TG: variants seen among roughly 807,000 people sequenced by gnomAD.
TG encodes thyroglobulin.
Under a neutral mutation model 324.7 loss-of-function variants are expected in TG, and 270 were observed. That is an observed-to-expected ratio of 0.83 (90% confidence interval 0.75 to 0.92). The LOEUF is 0.92. Ranked by LOEUF, TG falls within the 40% of genes least tolerant of loss-of-function variation. The probability of loss-of-function intolerance (pLI) is 0.00; values close to 1 mark genes in which losing one functional copy is unlikely to be tolerated. For missense variants in TG, 3,591 were observed against 3,456.4 expected (o/e 1.04, Z -0.98); for synonymous variants, 1,401 against 1,327.0 (o/e 1.06, Z -1.21).
intron 32 of TG, among the ~76,000 whole-genome samples, chr8:132,971,318 G>A (rs1300407492): frequency 6.6e-6 from 1 of 152,204 alleles, no homozygotes; most frequent in African/African-American, 2.4e-5. Context: ...GTGAAGGGGA[G>A]CACAGGCTCG....
intron 23 of TG, among the ~76,000 whole-genome samples, chr8:132,933,043 G>C (rs1175662099): frequency 6.6e-6 from 1 of 152,178 alleles, no homozygotes; most frequent in East Asian, 1.9e-4. Flanking sequence ...CCTGAACGGA[G>C]CTGTGCTTCA....
rs140831359 is a variant in TG, at chr8:133,113,577, C to A, written c.7728C>A (p.Phe2576Leu). ...ACTCCACGGATGACTATGCCTCCTT[C>A]TCCCGGGCTCTGGAGAATGCCACCC... ...LEHSTDDYAS[F>L]SRALENATRD... The change falls in exon 44 of 48, where the codon TTC (phenylalanine) becomes TTA (leucine). Residue 2576 changes from phenylalanine to leucine, a missense_variant. By Grantham distance (22) the Phe-to-Leu change is conservative. Transcript: ENST00000220616. 2.5e-6 allele frequency: 4 copies of A among 1,614,022 alleles called. No homozygotes were observed. The African/African-American group carries it at 5.3e-5, about 22-fold the overall frequency.
chr8:133,037,234 A>G (rs1564097259), intron 41 of TG: 1 of 152,136 alleles, frequency 6.6e-6, no homozygotes. Context: ...TCCTAGTAGG[A>G]TTTGGATGGG....
At chr8:132,926,686 C>T (rs113337862) in intron 22 of TG, among the ~76,000 whole-genome samples, 1 of 152,214 alleles carries the variant, frequency 6.6e-6, no homozygotes, top group South Asian at 2.1e-4. Context: ...GAAAGGTGTT[C>T]TGCAGGGGAC....
At chr8:132,910,194 G>A (rs1274362224) in intron 18 of TG, among the ~76,000 whole-genome samples, 1 of 152,140 alleles carries the variant, frequency 6.6e-6, no homozygotes, top group Non-Finnish European at 1.5e-5. Flanking sequence ...GGGCCATTGG[G>A]ATGGATGGCA....
chr8:133,024,972 C>T (rs951810867), intron 40 of TG, among the ~76,000 whole-genome samples: 1 of 152,090 alleles, frequency 6.6e-6, no homozygotes, highest in South Asian at 2.1e-4. Flanking sequence ...GGGTATATAC[C>T]CACAGGATTA....
At chr8:133,039,727 T>C (rs866971936) in intron 41 of TG, among the ~76,000 whole-genome samples, 3 of 152,176 alleles carry the variant, frequency 2.0e-5, no homozygotes, top group Non-Finnish European at 4.4e-5. Flanking sequence ...AGAATGTATA[T>C]TGCTAGCATA....
intron 42 of TG, among the ~76,000 whole-genome samples, chr8:133,095,439 T>C (rs1564184996): frequency 6.6e-6 from 1 of 152,198 alleles, no homozygotes; most frequent in Non-Finnish European, 1.5e-5. Context: ...AATTTGTCTT[T>C]CTTATTTATA....
chr8:132,975,338 G>A (rs1208177771), intron 34 of TG, among the ~76,000 whole-genome samples: 4 of 152,202 alleles, frequency 2.6e-5, no homozygotes, highest in Non-Finnish European at 5.9e-5. Flanking sequence ...TTGTTCAGAA[G>A]TAATGAGAAT....
intron 39 of TG, 72 bp downstream of exon 39, chr8:133,019,767 C>A: frequency 7.6e-7 from 1 of 1,318,242 alleles, no homozygotes; most frequent in Non-Finnish European, 1.1e-6. Context: ...CCCACTGTGG[C>A]CAGCACAGTT....
At chr8:132,957,785 G>A (rs970406602) in intron 27 of TG, among the ~76,000 whole-genome samples, 9 of 41,398 alleles carry the variant, frequency 2.2e-4, no homozygotes, top group African/African-American at 3.8e-4. Flanking sequence ...ACACACACAC[G>A]TATGTATATA....
At chr8:132,968,623 A>G (rs1828994733) in intron 31 of TG, among the ~76,000 whole-genome samples, 1 of 152,168 alleles carries the variant, frequency 6.6e-6, no homozygotes, top group Non-Finnish European at 1.5e-5. Flanking sequence ...CTCGAATGTC[A>G]AAGGGGTCCA....
At chr8:132,883,093 T>C in intron 8 of TG, 94 bp downstream of exon 8, 1 of 1,376,366 alleles carries the variant, frequency 7.3e-7, no homozygotes, top group Non-Finnish European at 1.0e-6. Context: ...TTAATTCAAC[T>C]GCCTTCTAGT....
intron 5 of TG, among the ~76,000 whole-genome samples, chr8:132,881,642 T>C (rs1369185917): frequency 6.6e-6 from 1 of 152,228 alleles, no homozygotes; most frequent in Non-Finnish European, 1.5e-5. Flanking sequence ...ACGACAGCTA[T>C]GCACAGCTTT....
chr8:133,021,821 G>T (rs1835590059), intron 39 of TG, among the ~76,000 whole-genome samples, 170 bp from the exon 40 acceptor site: 1 of 152,110 alleles, frequency 6.6e-6, no homozygotes, highest in South Asian at 2.1e-4. Context: ...GGTCTTGGGG[G>T]CTAGGACTTC....
At chr8:132,883,322 A>G (rs1252349713) in intron 8 of TG, 5 of 338,692 alleles carry the variant, frequency 1.5e-5, no homozygotes, top group East Asian at 1.3e-4. Flanking sequence ...TGAGGTGGGC[A>G]TTCGATCTTG....
intron 35 of TG, among the ~76,000 whole-genome samples, chr8:133,010,839 A>G (rs1279177912): frequency 1.3e-5 from 2 of 152,148 alleles, no homozygotes; most frequent in Admixed American, 6.5e-5. Flanking sequence ...CCCCATGCTG[A>G]GACAGCCACG....
intron 31 of TG, among the ~76,000 whole-genome samples, chr8:132,969,239 C>T (rs1394599983): frequency 1.3e-5 from 2 of 152,100 alleles, no homozygotes; most frequent in South Asian, 2.1e-4. Flanking sequence ...TAGCTTCCAA[C>T]ATTTTGTTGC....
chr8:132,966,371 T>A (rs1159593556), intron 29 of TG, among the ~76,000 whole-genome samples, 189 bp from the exon 30 acceptor site: 1 of 152,138 alleles, frequency 6.6e-6, no homozygotes, highest in Non-Finnish European at 1.5e-5. Context: ...CTGACCCAAC[T>A]CCCAGCTCTA....
Sources: gnomAD v4.1 joint callset for allele counts (sites outside exome capture counted in the v4.1 genomes callset) on GRCh38, gnomAD v4.1.1 for gene constraint, MANE v1.5 for transcripts, NCBI Gene and HGNC (gene_info 2026-07-23, HGNC 2026-07-21) for gene names.